PAK1: variants seen among roughly 807,000 people sequenced by gnomAD.
PAK1 encodes serine/threonine-protein kinase PAK 1.
PAK1 carries 29 observed loss-of-function variants against 67.4 expected under a neutral mutation model. The ratio of observed to expected loss-of-function variants is 0.43; its 90% CI spans 0.32 to 0.59. PAK1 has a LOEUF of 0.59. PAK1 is among the 20% of genes least tolerant of loss of function. The probability of loss-of-function intolerance (pLI) is 0.07; values close to 1 mark genes in which losing one functional copy is unlikely to be tolerated. For synonymous variants in PAK1, 223 were observed against 237.4 expected, an observed-to-expected ratio of 0.94 and a Z score of 0.56; for missense variants, 337 against 670.7, an observed-to-expected ratio of 0.50 and a Z score of 5.50.
At chr11:77,440,680 AACAG>A (rs1956314854) in intron 1 of PAK1, among the ~76,000 whole-genome samples, 1 of 152,238 alleles carries the variant, frequency 6.6e-6, no homozygotes, top group Admixed American at 6.5e-5. Flanking sequence ...AAAGAAAGAA[AACAG>A]ACAGTAGGGA....
the PAK1 span, among the ~76,000 whole-genome samples, chr11:77,511,942 G>C: frequency 6.6e-6 from 1 of 152,146 alleles, no homozygotes; most frequent in Non-Finnish European, 1.5e-5. Context: ...CAACACAAAG[G>C]CAAGGTCAAG....
chr11:77,516,451 AG>A, the PAK1 span, among the ~76,000 whole-genome samples: 2 of 152,212 alleles, frequency 1.3e-5, no homozygotes, highest in Non-Finnish European at 2.9e-5. Context: ...GGTTGTTATC[AG>A]AGTTAAATAA....
chr11:77,461,545 T>C (rs1205628261), intron 1 of PAK1, among the ~76,000 whole-genome samples: 1 of 152,168 alleles, frequency 6.6e-6, no homozygotes, highest in Non-Finnish European at 1.5e-5. Flanking sequence ...AACATCATCT[T>C]AAATTTTACA....
At chr11:77,375,244 C>T (rs987596730) in intron 4 of PAK1, among the ~76,000 whole-genome samples, 5 of 152,312 alleles carry the variant, frequency 3.3e-5, no homozygotes, top group African/African-American at 4.8e-5. Context: ...ATATCACTGT[C>T]AGGCTTAAAT....
At chr11:77,378,724 A>C (rs900897721) in intron 4 of PAK1, among the ~76,000 whole-genome samples, 1 of 152,090 alleles carries the variant, frequency 6.6e-6, no homozygotes, top group African/African-American at 2.4e-5. Flanking sequence ...AGTAGCTGGG[A>C]CCACAGGGAT....
intron 1 of PAK1, among the ~76,000 whole-genome samples, chr11:77,439,912 G>C (rs917663838): frequency 1.3e-5 from 2 of 152,134 alleles, no homozygotes; most frequent in African/African-American, 4.8e-5. Context: ...TGGCTTCTCA[G>C]GTCACACAAA....
chr11:77,439,757 G>A (rs1466930157), intron 1 of PAK1, among the ~76,000 whole-genome samples: 1 of 152,138 alleles, frequency 6.6e-6, no homozygotes, highest in East Asian at 1.9e-4. Context: ...AACATATGGA[G>A]AGGGAAAGAG....
intron 1 of PAK1, among the ~76,000 whole-genome samples, chr11:77,468,817 T>C (rs1957718448): frequency 6.6e-6 from 1 of 152,184 alleles, no homozygotes; most frequent in African/African-American, 2.4e-5. Flanking sequence ...ACACTTAGAA[T>C]TTTAAAATGT....
intron 5 of PAK1, among the ~76,000 whole-genome samples, chr11:77,359,567 G>C (rs1304722490): frequency 6.6e-6 from 1 of 152,010 alleles, no homozygotes; most frequent in African/African-American, 2.4e-5. Flanking sequence ...TGAAGATAAA[G>C]AACATCAGCA....
the PAK1 span, among the ~76,000 whole-genome samples, chr11:77,528,305 CCTA>C: frequency 6.6e-6 from 1 of 151,746 alleles, no homozygotes; most frequent in Non-Finnish European, 1.5e-5. Context: ...ACGTAATTTT[CCTA>C]CATTATCTCC....
At chr11:77,433,211 G>A (rs535407003) in intron 1 of PAK1, among the ~76,000 whole-genome samples, 1 of 152,170 alleles carries the variant, frequency 6.6e-6, no homozygotes, top group African/African-American at 2.4e-5. Context: ...ATGGATCACA[G>A]CTTTAACTGT....
intron 5 of PAK1, among the ~76,000 whole-genome samples, chr11:77,363,450 G>T (rs1377650952): frequency 1.3e-5 from 2 of 152,128 alleles, no homozygotes; most frequent in African/African-American, 4.8e-5. Flanking sequence ...CTCCCTCCAT[G>T]AGAAGCAGTA....
At chr11:77,428,671 C>CA (rs895698118) in intron 1 of PAK1, among the ~76,000 whole-genome samples, 13 of 151,322 alleles carry the variant, frequency 8.6e-5, no homozygotes, top group Admixed American at 3.9e-4. Flanking sequence ...GAGGAAGAGA[C>CA]AAGTAGTCTA....
chr11:77,446,701 GT>G (rs1350337967), intron 1 of PAK1, among the ~76,000 whole-genome samples: 1 of 151,896 alleles, frequency 6.6e-6, no homozygotes, highest in Non-Finnish European at 1.5e-5. Flanking sequence ...TTCCTTTGAA[GT>G]TTGTTTCTAG....
chr11:77,528,052 T>A, the PAK1 span, among the ~76,000 whole-genome samples: 1 of 152,122 alleles, frequency 6.6e-6, no homozygotes, highest in African/African-American at 2.4e-5. Context: ...AATCTCACTA[T>A]TCTGCTTAGG....
At chr11:77,401,381 C>T (rs1305297014) in intron 1 of PAK1, among the ~76,000 whole-genome samples, 2 of 152,102 alleles carry the variant, frequency 1.3e-5, no homozygotes, top group East Asian at 1.9e-4. Context: ...AAACTGTTGG[C>T]TGTTTCTGGG....
At chr11:77,411,352 A>G (rs768491584) in intron 1 of PAK1, among the ~76,000 whole-genome samples, 2 of 151,908 alleles carry the variant, frequency 1.3e-5, no homozygotes, top group Admixed American at 6.6e-5. Flanking sequence ...TCTGAATAGG[A>G]CCAGTCCCCC....
chr11:77,337,602 C>G (rs1942916219), intron 11 of PAK1, among the ~76,000 whole-genome samples, 179 bp from the exon 12 acceptor site: 1 of 152,212 alleles, frequency 6.6e-6, no homozygotes, highest in Non-Finnish European at 1.5e-5. Context: ...AGTCTTCCAT[C>G]TCCTAGCTAA....
chr11:77,371,411 A>G (rs1053606131), intron 5 of PAK1, among the ~76,000 whole-genome samples: 1 of 152,132 alleles, frequency 6.6e-6, no homozygotes, highest in African/African-American at 2.4e-5. Context: ...TTTCTCAAGG[A>G]TTAAGACAGT....
Sources: allele counts gnomAD v4.1 joint callset (sites outside exome capture counted in the v4.1 genomes callset), GRCh38; gene constraint gnomAD v4.1.1; transcripts MANE v1.5; gene names NCBI Gene and HGNC (gene_info 2026-07-23, HGNC 2026-07-21).